Variants in CFDP1 observed in about 807,000 individuals in gnomAD.
The protein encoded by CFDP1 is heterochromatin-stabilizing protein CFDP1.
In CFDP1, 31 loss-of-function variants were observed where a neutral mutation model predicts 40.1. That is an observed-to-expected ratio of 0.77 (90% confidence interval 0.58 to 1.04). The LOEUF (loss-of-function observed/expected upper bound fraction) is 1.04. Among genes scored for constraint, CFDP1 ranks in the 50% least tolerant of loss-of-function variants. The pLI, the probability that CFDP1 is intolerant of heterozygous loss-of-function variation, is 0.00. For synonymous variants in CFDP1, 167 were observed against 120.0 expected (o/e 1.39, Z -2.56); for missense variants, 423 against 343.4 (o/e 1.23, Z -1.83).
chr16:75,346,333 C>T (rs1396504962), intron 5 of CFDP1, among the ~76,000 whole-genome samples: 1 of 152,092 alleles, frequency 6.6e-6, no homozygotes, highest in African/African-American at 2.4e-5. Context: ...CCTGTAATTC[C>T]AGCACTTTGG....
chr16:75,376,831 G>A (rs748732404), intron 5 of CFDP1, among the ~76,000 whole-genome samples: 12 of 152,144 alleles, frequency 7.9e-5, no homozygotes, highest in Admixed American at 3.3e-4. Context: ...GAGAGTTACC[G>A]CCCCTTCCCA....
At chr16:75,363,383 G>A (rs922852197) in intron 5 of CFDP1, among the ~76,000 whole-genome samples, 4 of 151,146 alleles carry the variant, frequency 2.6e-5, no homozygotes, top group African/African-American at 9.7e-5. Context: ...ACAAATGCAG[G>A]AAGCACTTTA....
At chr16:75,330,298 AATG>A (rs1357839551) in intron 5 of CFDP1, among the ~76,000 whole-genome samples, 1 of 152,214 alleles carries the variant, frequency 6.6e-6, no homozygotes, top group Non-Finnish European at 1.5e-5. Flanking sequence ...TTTCAAAAAT[AATG>A]ATAAGCCTGG....
intron 5 of CFDP1, among the ~76,000 whole-genome samples, chr16:75,368,872 T>C (rs899970273): frequency 2.0e-5 from 3 of 152,128 alleles, no homozygotes; most frequent in Non-Finnish European, 2.9e-5. Context: ...TAATAAAAAG[T>C]TGTTTGTTTG....
chr16:75,393,557 C>T (rs1425305072), intron 5 of CFDP1, among the ~76,000 whole-genome samples: 15 of 146,916 alleles, frequency 1.0e-4, no homozygotes, highest in East Asian at 1.0e-3. Flanking sequence ...AGGTGAAACC[C>T]CGTCTCTACT....
chr16:75,367,535 G>A (rs925474579), intron 5 of CFDP1, among the ~76,000 whole-genome samples: 18 of 151,922 alleles, frequency 1.2e-4, no homozygotes, highest in East Asian at 7.7e-4. Context: ...GCTCCCATCT[G>A]TAATCCCAAC....
At chr16:75,305,531 G>A in intron 5 of CFDP1, 1 of 229,424 alleles carries the variant, frequency 4.4e-6, no homozygotes, top group South Asian at 8.9e-5. Flanking sequence ...CCAACTTCCA[G>A]CTTAACTGTG....
rs150676271 is a variant in CFDP1, at chr16:75,362,482, T to G, written c.650+32608A>C. Among the ~76,000 whole-genome samples, 463 of 152,338 alleles carry G rather than the reference T, an allele frequency of 3.0e-3. 1 individual carries two copies. Among genetic ancestry groups the G allele is most frequent in the Non-Finnish European group, 5.4e-3 (366 of 68,026 alleles). ...TTTAATTTTACTTCTAAATGTGTAATTACATTTGACTTAAAAAATACTGTC... is the reference window on the plus strand; with the variant it reads ...TTTAATTTTACTTCTAAATGTGTAAGTACATTTGACTTAAAAAATACTGTC... On this transcript the variant is annotated intron_variant, in intron 5 of 6. Coordinates refer to ENST00000283882, the MANE Select transcript of CFDP1 (RefSeq NM_006324.3).
At chr16:75,365,921 T>C (rs1295959412) in intron 5 of CFDP1, among the ~76,000 whole-genome samples, 1 of 152,184 alleles carries the variant, frequency 6.6e-6, no homozygotes, top group African/African-American at 2.4e-5. Flanking sequence ...AAGCGAACCC[T>C]CATGCACTGC....
intron 1 of CFDP1, among the ~76,000 whole-genome samples, chr16:75,417,531 T>C (rs1405905749): frequency 6.6e-6 from 1 of 152,144 alleles, no homozygotes; most frequent in Admixed American, 6.6e-5. Flanking sequence ...GAATTAAGAA[T>C]ATGCTTATAT....
intron 1 of CFDP1, among the ~76,000 whole-genome samples, chr16:75,432,541 CCT>C (rs2079434418): frequency 6.6e-6 from 1 of 151,986 alleles, no homozygotes; most frequent in East Asian, 1.9e-4. Context: ...ACAGCAAGAC[CCT>C]GTCTTTAAAT....
At chr16:75,379,428 ATAT>A (rs1023771020) in intron 5 of CFDP1, among the ~76,000 whole-genome samples, 7 of 152,190 alleles carry the variant, frequency 4.6e-5, no homozygotes, top group Non-Finnish European at 7.4e-5. Flanking sequence ...GGATAAGAGA[ATAT>A]TATGCAGAAT....
intron 5 of CFDP1, among the ~76,000 whole-genome samples, chr16:75,370,373 G>GTC (rs1487370265): frequency 1.3e-5 from 2 of 152,172 alleles, no homozygotes; most frequent in East Asian, 3.9e-4. Context: ...GATTACCAAC[G>GTC]TGAGCCACCA....
chr16:75,299,076 C>T (rs2078203976), intron 6 of CFDP1, among the ~76,000 whole-genome samples: 1 of 152,110 alleles, frequency 6.6e-6, no homozygotes, highest in African/African-American at 2.4e-5. Context: ...TGATCACCAC[C>T]AAGAAATCTG....
chr16:75,310,915 A>G (rs1294189898), intron 5 of CFDP1, among the ~76,000 whole-genome samples: 1 of 152,224 alleles, frequency 6.6e-6, no homozygotes, highest in Non-Finnish European at 1.5e-5. Context: ...AGAGTCATTC[A>G]TTCATTGCAT....
intron 5 of CFDP1, among the ~76,000 whole-genome samples, chr16:75,341,042 G>GGA (rs1359707209): frequency 6.6e-6 from 1 of 152,150 alleles, no homozygotes; most frequent in African/African-American, 2.4e-5. Flanking sequence ...TTCTCAGGCT[G>GGA]GAGTTACATT....
At chr16:75,402,061 G>A (rs1478964970) in intron 4 of CFDP1, among the ~76,000 whole-genome samples, 1 of 152,138 alleles carries the variant, frequency 6.6e-6, no homozygotes, top group African/African-American at 2.4e-5. Flanking sequence ...ATTTATCTCA[G>A]GAACTTTAGT....
intron 5 of CFDP1, among the ~76,000 whole-genome samples, chr16:75,317,112 A>G (rs2151507484): frequency 6.6e-6 from 1 of 152,400 alleles, no homozygotes; most frequent in African/African-American, 2.4e-5. Flanking sequence ...GCGAGGGCAG[A>G]GGCCTCTCTG....
At chr16:75,341,435 T>C (rs1486241169) in intron 5 of CFDP1, among the ~76,000 whole-genome samples, 4 of 152,120 alleles carry the variant, frequency 2.6e-5, no homozygotes, top group Non-Finnish European at 4.4e-5. Context: ...AGCATCTACC[T>C]TGGAGGAAGG....
Sources: allele counts gnomAD v4.1 joint callset (sites outside exome capture counted in the v4.1 genomes callset), GRCh38; gene constraint gnomAD v4.1.1; transcripts MANE v1.5; gene names NCBI Gene and HGNC (gene_info 2026-07-23, HGNC 2026-07-21).